SLC30A9: variants seen among roughly 807,000 people sequenced by gnomAD.
SLC30A9 encodes proton-coupled zinc antiporter SLC30A9, mitochondrial.
In SLC30A9, 58 loss-of-function variants were observed where a neutral mutation model predicts 87.5. The observed-to-expected ratio is 0.66, with a 90% CI of 0.54 to 0.82. SLC30A9 has a LOEUF of 0.82. Among genes scored for constraint, SLC30A9 ranks in the 40% least tolerant of loss-of-function variants. The pLI is 0.00. For synonymous variants in SLC30A9, 234 were observed against 233.0 expected (o/e 1.00, Z -0.04); for missense variants, 557 against 679.1 (o/e 0.82, Z 2.00).
intron 6 of SLC30A9, among the ~76,000 whole-genome samples, chr4:42,033,508 T>A (rs1438038809): frequency 7.9e-5 from 12 of 152,146 alleles, no homozygotes; most frequent in South Asian, 4.1e-4. Flanking sequence ...TAATATTTTT[T>A]AAAAAAACGT....
intron 2 of SLC30A9, among the ~76,000 whole-genome samples, chr4:42,002,032 A>G (rs1343268889): frequency 1.3e-5 from 2 of 151,984 alleles, no homozygotes; most frequent in Non-Finnish European, 2.9e-5. Flanking sequence ...AGTGTATAAT[A>G]ATGTTCCCTG....
At chr4:42,006,865 C>T (rs1296423980) in intron 2 of SLC30A9, among the ~76,000 whole-genome samples, 1 of 152,096 alleles carries the variant, frequency 6.6e-6, no homozygotes, top group East Asian at 1.9e-4. Context: ...CTTGCTTGCT[C>T]ACTATGTTTC....
intron 9 of SLC30A9, among the ~76,000 whole-genome samples, chr4:42,058,954 A>C (rs1717737359): frequency 6.6e-6 from 1 of 152,156 alleles, no homozygotes; most frequent in African/African-American, 2.4e-5. Context: ...CTGAAAAATC[A>C]TGTATATTTT....
At chr4:42,055,089 C>T (rs551441023) in intron 9 of SLC30A9, among the ~76,000 whole-genome samples, 6 of 151,816 alleles carry the variant, frequency 4.0e-5, no homozygotes, top group Non-Finnish European at 7.4e-5. Context: ...TTTGGGAGGC[C>T]GAAGCAGGCA....
At chr4:42,014,857 G>A (rs1167843910) in intron 2 of SLC30A9, among the ~76,000 whole-genome samples, 1 of 152,136 alleles carries the variant, frequency 6.6e-6, no homozygotes, top group Non-Finnish European at 1.5e-5. Context: ...ATTAAAACAA[G>A]TAAATTCATG....
At chr4:41,998,454 C>T (rs567124700) in intron 1 of SLC30A9, among the ~76,000 whole-genome samples, 2 of 140,434 alleles carry the variant, frequency 1.4e-5, no homozygotes, top group East Asian at 4.6e-4. Flanking sequence ...TTAATGAATT[C>T]AGTAATTCTT....
intron 1 of SLC30A9, among the ~76,000 whole-genome samples, chr4:42,000,121 T>C (rs1714914210): frequency 6.6e-6 from 1 of 152,130 alleles, no homozygotes; most frequent in South Asian, 2.1e-4. Flanking sequence ...GAAAAAAATC[T>C]AGCATCAAGT....
intron 16 of SLC30A9, among the ~76,000 whole-genome samples, chr4:42,076,763 C>A (rs11727446): frequency 0.65 from 99,150 of 151,814 alleles, 36,859 homozygotes; most frequent in East Asian, 0.96. Flanking sequence ...AGAGATCGAT[C>A]CCATCCTGGC....
chr4:42,059,379 T>C (rs1024392348), intron 9 of SLC30A9, among the ~76,000 whole-genome samples: 4 of 152,140 alleles, frequency 2.6e-5, no homozygotes, highest in Non-Finnish European at 4.4e-5. Context: ...CATACTACTA[T>C]TGAGAAGTTC....
intron 13 of SLC30A9, 63 bp downstream of exon 13, chr4:42,066,684 C>T (rs572196843): frequency 9.5e-7 from 1 of 1,048,428 alleles, no homozygotes; most frequent in East Asian, 2.4e-5. Flanking sequence ...TTACTTAGTA[C>T]TGTTATTGCT....
Position 42,065,233 on chromosome 4 carries a change from A to G in SLC30A9, c.1033-77A>G, listed in dbSNP as rs1027346433. 8 of 789,854 alleles carry G rather than the reference A, an allele frequency of 1.0e-5. No individual in the cohort carries two copies. In the Admixed American group the frequency reaches 1.1e-4, roughly 11 times the overall value. The allele number at this position is 789,854 out of a possible 1,614,324, so 48.9% of individuals were successfully genotyped here. On this transcript the variant is annotated intron_variant, in intron 11 of 17. Coordinates refer to ENST00000264451, the MANE Select transcript of SLC30A9 (RefSeq NM_006345.4). ...ATTTGAATTCGTGTTTTTGTTTTAG[A>G]CATTACGGACTTTATATATGAACAA... is the stretch of plus-strand genomic sequence containing the variant.
intron 2 of SLC30A9, among the ~76,000 whole-genome samples, chr4:42,012,933 CT>C (rs1459431794): frequency 6.6e-6 from 1 of 151,902 alleles, no homozygotes; most frequent in African/African-American, 2.4e-5. Context: ...AAACAGTAAA[CT>C]TTTTTTTAAT....
At chr4:42,068,619 G>A (rs572741036) in intron 14 of SLC30A9, among the ~76,000 whole-genome samples, 7 of 152,308 alleles carry the variant, frequency 4.6e-5, no homozygotes, top group South Asian at 2.1e-4. Context: ...CTATAAAGTC[G>A]CAGTTTCTAA....
chr4:42,010,642 G>A (rs1715400230), intron 2 of SLC30A9, among the ~76,000 whole-genome samples: 1 of 151,944 alleles, frequency 6.6e-6, no homozygotes, highest in Non-Finnish European at 1.5e-5. Flanking sequence ...TTAATATATT[G>A]GCATTTAATT....
chr4:42,033,227 AC>A (rs1399353234), intron 6 of SLC30A9, among the ~76,000 whole-genome samples: 9 of 152,120 alleles, frequency 5.9e-5, no homozygotes, highest in African/African-American at 1.9e-4. Context: ...AGTCAAACCT[AC>A]AGAACAGATA....
At chr4:42,011,495 A>G (rs1187656364) in intron 2 of SLC30A9, among the ~76,000 whole-genome samples, 1 of 152,208 alleles carries the variant, frequency 6.6e-6, no homozygotes, top group African/African-American at 2.4e-5. Flanking sequence ...TCAAACTGGC[A>G]ATATGAGATC....
chr4:42,037,100 A>G (rs116760408), intron 7 of SLC30A9, among the ~76,000 whole-genome samples: 360 of 152,120 alleles, frequency 2.4e-3, no homozygotes, highest in Non-Finnish European at 4.3e-3. Flanking sequence ...TTTTGCTGGG[A>G]CATTAGGATA....
intron 2 of SLC30A9, among the ~76,000 whole-genome samples, chr4:42,011,364 G>A (rs982939403): frequency 7.2e-5 from 11 of 152,156 alleles, no homozygotes; most frequent in Admixed American, 3.3e-4. Flanking sequence ...TTGACACATG[G>A]GGATTATGGG....
intron 17 of SLC30A9, among the ~76,000 whole-genome samples, chr4:42,082,576 A>C (rs891449534): frequency 1.3e-5 from 2 of 152,130 alleles, no homozygotes; most frequent in South Asian, 4.1e-4. Flanking sequence ...GGCTGGGCGC[A>C]GTGGCTCACG....
Sources: gnomAD v4.1 joint callset for allele counts (sites outside exome capture counted in the v4.1 genomes callset) on GRCh38, gnomAD v4.1.1 for gene constraint, MANE v1.5 for transcripts, NCBI Gene and HGNC (gene_info 2026-07-23, HGNC 2026-07-21) for gene names.